Variants in CCR3 observed in about 807,000 individuals in gnomAD.
CCR3 encodes the protein C-C chemokine receptor type 3.
For synonymous variants in CCR3, 203 were observed against 179.2 expected (o/e 1.13, Z -1.06); for missense variants, 419 against 437.5 (o/e 0.96, Z 0.38).
chr3:46,212,218 T>A (rs2125921988), intron 2 of CCR3, among the ~76,000 whole-genome samples: 1 of 152,242 alleles, frequency 6.6e-6, no homozygotes, highest in Non-Finnish European at 1.5e-5. Flanking sequence ...TGCAAACCTT[T>A]TAGGTTCGGT....
At chr3:46,251,093 G>A (rs1176691239) in intron 1 of CCR3, among the ~76,000 whole-genome samples, 3 of 152,040 alleles carry the variant, frequency 2.0e-5, no homozygotes, top group South Asian at 2.1e-4. Context: ...CAGAGAAGGG[G>A]TAGAGACATG....
intron 2 of CCR3, among the ~76,000 whole-genome samples, chr3:46,234,291 A>G (rs1457500538): frequency 6.6e-6 from 1 of 152,116 alleles, no homozygotes; most frequent in African/African-American, 2.4e-5. Flanking sequence ...CTTTTATCCT[A>G]AGAGACATTA....
chr3:46,230,534 CT>C (rs531813201), intron 2 of CCR3, among the ~76,000 whole-genome samples: 3 of 152,034 alleles, frequency 2.0e-5, no homozygotes, highest in Admixed American at 6.6e-5. Flanking sequence ...CCATTTTTTG[CT>C]TGTGTGATCT....
chr3:46,235,186 C>T (rs1700010481), intron 2 of CCR3, among the ~76,000 whole-genome samples: 1 of 152,114 alleles, frequency 6.6e-6, no homozygotes. Flanking sequence ...TTTTTTCCCT[C>T]ACTCCCCCAC....
chr3:46,233,851 C>T (rs1171321823), intron 2 of CCR3, among the ~76,000 whole-genome samples: 1 of 152,224 alleles, frequency 6.6e-6, no homozygotes, highest in Non-Finnish European at 1.5e-5. Context: ...AACAGAGCAC[C>T]ATGTGGCTAG....
intron 1 of CCR3, among the ~76,000 whole-genome samples, chr3:46,256,634 T>C (rs1322258664): frequency 1.3e-5 from 2 of 152,162 alleles, no homozygotes; most frequent in East Asian, 3.8e-4. Context: ...ATAACAGTTA[T>C]GAGCAGATGA....
At chr3:46,232,869 GT>G (rs1164264147) in intron 2 of CCR3, among the ~76,000 whole-genome samples, 2 of 152,186 alleles carry the variant, frequency 1.3e-5, no homozygotes, top group Non-Finnish European at 2.9e-5. Context: ...GTCTTGCTCT[GT>G]TGCCCAGGCT....
intron 2 of CCR3, among the ~76,000 whole-genome samples, chr3:46,229,360 A>T (rs1271777172): frequency 6.6e-6 from 1 of 152,254 alleles, no homozygotes; most frequent in African/African-American, 2.4e-5. Flanking sequence ...TAAGTGTTTA[A>T]GTCCACTGTA....
At chr3:46,255,018 A>C (rs1700390827) in intron 1 of CCR3, among the ~76,000 whole-genome samples, 1 of 151,914 alleles carries the variant, frequency 6.6e-6, no homozygotes, top group East Asian at 1.9e-4. Flanking sequence ...CATACCCATC[A>C]ACAGCATAAA....
intron 2 of CCR3, among the ~76,000 whole-genome samples, chr3:46,228,608 G>A (rs1254210195): frequency 6.6e-6 from 1 of 152,184 alleles, no homozygotes; most frequent in Non-Finnish European, 1.5e-5. Flanking sequence ...GGCTCTCATG[G>A]AAGGAAAAAA....
Position 46,265,628 on chromosome 3 carries a change from C to T in CCR3, c.470C>T (p.Thr157Ile). Residue 157 changes from threonine to isoleucine, a missense_variant, in exon 2 of 2, where the codon ACC becomes ATC. Physicochemically the swap from Thr to Ile is moderately conservative, Grantham distance 89. Transcript: ENST00000395940. ...TTTGGTGTCATCACCAGCATCGTCA[C>T]CTGGGGCCTGGCAGTGCTAGCAGCT... ...VTFGVITSIVTWGLAVLAALP... is the reference protein window; with the variant it reads ...VTFGVITSIVIWGLAVLAALP... 1 of 1,614,120 alleles carries T rather than the reference C, an allele frequency of 6.2e-7. No individual in the cohort carries two copies.
intron 2 of CCR3, among the ~76,000 whole-genome samples, chr3:46,217,764 T>C (rs1166593999): frequency 5.3e-5 from 8 of 152,000 alleles, no homozygotes; most frequent in Non-Finnish European, 2.9e-5. Flanking sequence ...TTCTTTGAAC[T>C]GAATGACAAT....
chr3:46,211,309 C>T (rs1699710899), intron 2 of CCR3, among the ~76,000 whole-genome samples: 1 of 151,120 alleles, frequency 6.6e-6, no homozygotes, highest in Admixed American at 6.6e-5. Flanking sequence ...AGTGATCCTC[C>T]CACTTCAGTC....
rs148454821 is a variant in CCR3, at chr3:46,265,900, T to G, written c.742T>G (p.Phe248Val). The part of the protein sequence containing the change: ...IRLIFVIMAV[F>V]FIFWTPYNVA... ...GCTCATTTTTGTCATCATGGCGGTG[T>G]TTTTCATTTTCTGGACACCCTACAA... The change falls in exon 2 of 2, where the codon TTT becomes GTT. Residue 248 changes from phenylalanine to valine, a missense_variant. Physicochemically the swap from Phe to Val is conservative, Grantham distance 50. Coordinates refer to ENST00000395940, the MANE Select transcript of CCR3 (RefSeq NM_178329.3). 103 of 1,613,956 alleles carry G rather than the reference T, an allele frequency of 6.4e-5. No individual in the cohort carries two copies. In the African/African-American group the frequency reaches 1.2e-3, roughly 19 times the overall value.
At position 46,266,300 on chromosome 3, in the gene CCR3, C is replaced by T. The variant is rs1429130723; in HGVS notation, c.*74C>T. The T allele has an allele frequency of 1.1e-6, 1 of 897,418 alleles. No homozygotes were observed. Among genetic ancestry groups the T allele is most frequent in the African/African-American group, 1.7e-5 (1 of 59,850 alleles). 55.6% of individuals were successfully genotyped at this position (897,418 alleles called of 1,614,324 possible). A position where few individuals can be genotyped will look rare whatever the true frequency, so the allele number is the denominator to read the frequency against. Reference sequence around the variant, plus strand: ...AAACACATTAAGCCTTCCACACTCACCTCTAAAACAGTCCTTCAAACTTCC... The same window carrying T: ...AAACACATTAAGCCTTCCACACTCATCTCTAAAACAGTCCTTCAAACTTCC... On this transcript the variant is annotated 3_prime_UTR_variant, in exon 2 of 2. Coordinates refer to ENST00000395940, the MANE Select transcript of CCR3 (RefSeq NM_178329.3).
intron 2 of CCR3, among the ~76,000 whole-genome samples, chr3:46,227,400 G>A (rs1198804685): frequency 6.6e-6 from 1 of 152,006 alleles, no homozygotes; most frequent in African/African-American, 2.4e-5. Flanking sequence ...TCTTGCTAGA[G>A]GTTTATCACT....
At chr3:46,229,798 C>T (rs755901624) in intron 2 of CCR3, among the ~76,000 whole-genome samples, 1 of 151,960 alleles carries the variant, frequency 6.6e-6, no homozygotes, top group Non-Finnish European at 1.5e-5. Flanking sequence ...GATCATGATC[C>T]TGGATGCTGA....
At chr3:46,239,889 A>G, upstream of CCR3, among the ~76,000 whole-genome samples, 2 of 152,138 alleles carry the variant, frequency 1.3e-5, no homozygotes, top group East Asian at 3.9e-4. Flanking sequence ...TCAAACACTG[A>G]TCTCAAATAA....
chr3:46,266,376 C>T lies in CCR3; in HGVS notation c.*150C>T. The T allele has an allele frequency of 1.6e-6, 1 of 617,158 alleles. No homozygotes were observed. The highest frequency in any genetic ancestry group is 1.9e-5 in the African/African-American group (1 of 54,012). The allele number at this position is 617,158 out of a possible 1,614,324, so 38.2% of individuals were successfully genotyped here. ...CACTGAAATATACACACAGCAGTAG[C>T]AGTAGATGCATGTACCCTAAGGTCA... On this transcript the variant is annotated 3_prime_UTR_variant, in exon 2 of 2. Coordinates refer to ENST00000395940, the MANE Select transcript of CCR3 (RefSeq NM_178329.3).
Sources: allele counts gnomAD v4.1 joint callset (sites outside exome capture counted in the v4.1 genomes callset), GRCh38; gene constraint gnomAD v4.1.1; transcripts MANE v1.5; gene names NCBI Gene and HGNC (gene_info 2026-07-23, HGNC 2026-07-21).